ABHD8: variants seen among roughly 807,000 people sequenced by gnomAD.
The protein encoded by ABHD8 is protein ABHD8.
In ABHD8, 10 loss-of-function variants were observed where a neutral mutation model predicts 29.3. That is an observed-to-expected ratio of 0.34 (90% CI 0.21 to 0.58). The LOEUF is 0.58. ABHD8 is among the 20% of genes least tolerant of loss of function. The probability of loss-of-function intolerance (pLI) is 0.85; values close to 1 mark genes in which losing one functional copy is unlikely to be tolerated. For missense variants in ABHD8, 556 were observed against 615.3 expected (o/e 0.90, Z 1.02); for synonymous variants, 282 against 274.6 (o/e 1.03, Z -0.27).
intron 2 of ABHD8, among the ~76,000 whole-genome samples, chr19:17,298,763 CAG>C (rs2074104107): frequency 1.3e-5 from 1 of 75,696 alleles, no homozygotes; most frequent in Non-Finnish European, 2.5e-5. Context: ...TTTTTTTGGG[CAG>C]AGTCTCACTC....
At chr19:17,293,098 C>CTTT (rs71334701) in intron 4 of ABHD8, among the ~76,000 whole-genome samples, 3,871 of 135,946 alleles carry the variant, frequency 0.028, 194 homozygotes, top group African/African-American at 0.1. Context: ...TCTTTTCTTT[C>CTTT]TTTTTTTTTT....
At chr19:17,302,240 A>C (rs1373215256) in intron 1 of ABHD8, 1 of 152,442 alleles carries the variant, frequency 6.6e-6, no homozygotes, top group East Asian at 1.9e-4. Flanking sequence ...TTCCTGGAGA[A>C]GGGGACATTG....
chr19:17,299,131 C>A (rs975816246), intron 2 of ABHD8, among the ~76,000 whole-genome samples: 4 of 151,964 alleles, frequency 2.6e-5, no homozygotes, highest in Non-Finnish European at 5.9e-5. Flanking sequence ...AGTTTTCAGC[C>A]TGGTATAGCG....
intron 2 of ABHD8, chr19:17,296,386 A>AAGC (rs1264283756): frequency 6.6e-6 from 1 of 152,186 alleles, no homozygotes; most frequent in Non-Finnish European, 1.5e-5. Flanking sequence ...CATGACCCAA[A>AAGC]AGCGGTAAGA....
intron 2 of ABHD8, chr19:17,296,619 G>C (rs568978574): frequency 6.6e-6 from 1 of 152,052 alleles, no homozygotes; most frequent in Non-Finnish European, 1.5e-5. Context: ...AACTATGTAC[G>C]GCCTGTGGGC....
rs767889101 is a variant in ABHD8, at chr19:17,294,735, A to G, written c.872T>C (p.Phe291Ser). 5.6e-6 allele frequency: 9 copies of G among 1,614,154 alleles called. No individual in the cohort carries two copies. The highest frequency in any genetic ancestry group is 6.8e-6 in the Non-Finnish European group (8 of 1,180,030). Residue 291 changes from phenylalanine (F) to serine (S), a missense_variant, in exon 3 of 5, where the codon TTC becomes TCC. Coordinates refer to ENST00000247706, the MANE Select transcript of ABHD8 (RefSeq NM_024527.5). ...GTGCAGGACGCAGGTGGGCATGTTG[A>G]AGATTGAGCAGAAGCTGGGCTCCAG... ...TALEPSFCSIFNMPTCVLHCL... is the reference protein window; with the variant it reads ...TALEPSFCSISNMPTCVLHCL...
chr19:17,299,344 G>A (rs372827391), intron 2 of ABHD8, among the ~76,000 whole-genome samples: 6 of 151,034 alleles, frequency 4.0e-5, no homozygotes, highest in African/African-American at 9.8e-5. Context: ...GGCGAATCAC[G>A]AGGTCAGGAG....
At chr19:17,294,599 C>T in intron 3 of ABHD8, 76 bp downstream of exon 3, 1 of 1,606,486 alleles carries the variant, frequency 6.2e-7, no homozygotes, top group Non-Finnish European at 8.5e-7. Context: ...GGTACAGTCC[C>T]CCCTCCCATC....
chr19:17,301,281 C>G lies in ABHD8; in HGVS notation c.336G>C (p.Glu112Asp). 1 of 1,604,320 alleles carries G rather than the reference C, an allele frequency of 6.2e-7. No individual in the cohort carries two copies. Among genetic ancestry groups the G allele is most frequent in the Non-Finnish European group, 8.5e-7 (1 of 1,178,720 alleles). Residue 112 changes from glutamate to aspartate, a missense_variant, in exon 2 of 5, where the codon GAG becomes GAC. By Grantham distance (45) the Glu-to-Asp change is conservative. Around this residue, in one of 2 missense-constraint regions of ABHD8, gnomAD observed 286 missense variants for 261.4 expected, o/e 1.09. Transcript: ENST00000247706. ...GCTCCACCTCCAGGGCGGCCGGCGG[C>G]TCCCCAGAGCCATTCTGCCCGTGTA... ...DLLHGQNGSG[E>D]PPAALEVELA...
rs1437391020 is a variant in ABHD8 at position 17,301,296 on chromosome 19, C to T, written c.321G>A (p.Gln107=). The T allele has an allele frequency of 6.2e-7, 1 of 1,607,180 alleles. No homozygotes were observed. The highest frequency in any genetic ancestry group is 8.5e-7 in the Non-Finnish European group (1 of 1,179,720). The change falls in exon 2 of 5, where the codon CAG becomes CAA. Residue 107 remains glutamine (Q), a synonymous_variant. Transcript: ENST00000247706. ...CGGCCGGCGGCTCCCCAGAGCCATT[C>T]TGCCCGTGTAGGAGGTCGGCTCGAG... The part of the protein sequence containing the change: ...RAPRADLLHG[Q]NGSGEPPAAL...
chr19:17,294,562 G>GC, intron 3 of ABHD8, 58 bp from the exon 4 acceptor site: 1 of 1,609,974 alleles, frequency 6.2e-7, no homozygotes, highest in Non-Finnish European at 8.5e-7. Flanking sequence ...GCCGTGGGGT[G>GC]CCCCCGATGC....
intron 2 of ABHD8, among the ~76,000 whole-genome samples, chr19:17,300,349 G>A (rs2074111836): frequency 6.6e-6 from 1 of 151,818 alleles, no homozygotes; most frequent in South Asian, 2.1e-4. Flanking sequence ...AACTATATGC[G>A]TGCACCTCCT....
intron 2 of ABHD8, among the ~76,000 whole-genome samples, chr19:17,300,094 CAG>C (rs2074110800): frequency 6.6e-6 from 1 of 151,686 alleles, no homozygotes; most frequent in Non-Finnish European, 1.5e-5. Context: ...TTAGTAGAGA[CAG>C]GGTTTCACCG....
At chr19:17,299,646 G>A (rs1257176800) in intron 2 of ABHD8, among the ~76,000 whole-genome samples, 7 of 151,444 alleles carry the variant, frequency 4.6e-5, no homozygotes, top group Non-Finnish European at 8.8e-5. Context: ...GAGGTGCAAG[G>A]ATCACTTGAG....
Position 17,301,776 on chromosome 19 carries a change from TTGTG to T in ABHD8, c.-8-156_-8-153del, listed in dbSNP as rs10679164. Among the ~76,000 whole-genome samples, 1,099 of 147,246 alleles carry T rather than the reference TTGTG, an allele frequency of 7.5e-3. 9 individuals carry two copies. Among genetic ancestry groups the T allele is most frequent in the African/African-American group, 0.019 (745 of 39,598 alleles). ...AGCCACGGCACTGAGATTTTTTTGT[TTGTG>T]TGTGTGTGTGTGTGTGTGTGTGTGT... On this transcript the variant is annotated intron_variant, in intron 1 of 4. Coordinates refer to ENST00000247706, the MANE Select transcript of ABHD8 (RefSeq NM_024527.5).
At position 17,301,427 on chromosome 19, in the gene ABHD8, A is replaced by T. The variant is rs2074117987; in HGVS notation, c.190T>A (p.Ser64Thr). The change falls in exon 2 of 5, where the codon TCC (serine) becomes ACC (threonine). Residue 64 changes from serine to threonine, a missense_variant. Coordinates refer to ENST00000247706, the MANE Select transcript of ABHD8 (RefSeq NM_024527.5). ...AAAPPPPSSA[S>T]SDAAQGDLSG... ...AGGTCCCCCTGGGCTGCATCCGAGG[A>T]TGCGGATGATGGTGGAGGTGGGGCA... The T allele has an allele frequency of 6.8e-6, 11 of 1,612,128 alleles. No homozygotes were observed. The highest frequency in any genetic ancestry group is 1.7e-4 in the Middle Eastern group (1 of 6,050).
intron 2 of ABHD8, chr19:17,297,650 T>C (rs934167588): frequency 3.9e-5 from 6 of 152,130 alleles, no homozygotes; most frequent in African/African-American, 9.7e-5. Flanking sequence ...CTTTTGAGTA[T>C]GTTATATAAA....
chr19:17,301,246 G>A lies in ABHD8; in HGVS notation c.371C>T (p.Pro124Leu), dbSNP rs756799431. 47 of 1,595,890 alleles carry A rather than the reference G, an allele frequency of 2.9e-5. No individual in the cohort carries two copies. The highest frequency in any genetic ancestry group is 2.0e-4 in the East Asian group (9 of 44,370). Residue 124 changes from proline to leucine, a missense_variant, in exon 2 of 5, where the codon CCG (proline) becomes CTG (leucine). Pro to Leu is a moderately conservative substitution (Grantham distance 98, BLOSUM62 -3). Transcript: ENST00000247706. ...GGCCAAGCGGCCATCGCTGCCCGCC[G>A]GATCTGCCAGCTCCACCTCCAGGGC... ...PAALEVELAD[P>L]AGSDGRLAPG...
At position 17,294,468 on chromosome 19, in the gene ABHD8, C is replaced by G; in HGVS notation, c.969G>C (p.Gln323His). 1 of 1,614,176 alleles carries G rather than the reference C, an allele frequency of 6.2e-7. No homozygotes were observed. Among genetic ancestry groups the G allele is most frequent in the South Asian group, 1.1e-5 (1 of 91,088 alleles). Residue 323 changes from glutamine (Q) to histidine (H), a missense_variant, in exon 4 of 5, where the codon CAG becomes CAC. By Grantham distance (24) the Gln-to-His change is conservative. Around this residue, in one of 2 missense-constraint regions of ABHD8, gnomAD observed 270 missense variants for 353.9 expected, o/e 0.76. Coordinates refer to ENST00000247706, the MANE Select transcript of ABHD8 (RefSeq NM_024527.5). ...TGAAAGCGTTGCCCTCCTTTAACAG[C>G]TGCTTCTCCTTGGCTCCTTGGCGGG... ...GFARQGAKEK[Q>H]LLKEGNAFNV...
Sources: gnomAD v4.1 joint callset for allele counts (sites outside exome capture counted in the v4.1 genomes callset) on GRCh38, gnomAD v4.1.1 for gene constraint, gnomAD v4.1.1 regional missense constraint, MANE v1.5 for transcripts, NCBI Gene and HGNC (gene_info 2026-07-23, HGNC 2026-07-21) for gene names.